NXPH2: variants seen among roughly 807,000 people sequenced by gnomAD.
NXPH2 encodes neurexophilin-2.
NXPH2 carries 5 observed loss-of-function variants against 19.8 expected under a neutral mutation model. The observed-to-expected ratio is 0.25, with a 90% CI of 0.13 to 0.53. The LOEUF is 0.53. Ranked by LOEUF, NXPH2 falls within the 20% of genes least tolerant of loss-of-function variation. The probability of loss-of-function intolerance (pLI) is 0.96; values close to 1 mark genes in which losing one functional copy is unlikely to be tolerated. For missense variants in NXPH2, 289 were observed against 322.8 expected, an observed-to-expected ratio of 0.90 and a Z score of 0.80; for synonymous variants, 154 against 127.4, an observed-to-expected ratio of 1.21 and a Z score of -1.41.
chr2:138,774,410 G>C (rs905845325), intron 1 of NXPH2, among the ~76,000 whole-genome samples: 12 of 152,102 alleles, frequency 7.9e-5, no homozygotes, highest in African/African-American at 2.9e-4. Flanking sequence ...TACATCACTT[G>C]TGATGTGGTT....
At chr2:138,694,044 C>A (rs904790646) in intron 1 of NXPH2, among the ~76,000 whole-genome samples, 11 of 152,108 alleles carry the variant, frequency 7.2e-5, no homozygotes, top group Non-Finnish European at 1.3e-4. Context: ...CAATCAAGAG[C>A]AGCCAACTAA....
intron 1 of NXPH2, among the ~76,000 whole-genome samples, chr2:138,689,294 C>G (rs567292119): frequency 1.3e-5 from 2 of 152,160 alleles, no homozygotes; most frequent in Non-Finnish European, 2.9e-5. Context: ...AGTTTTAGCC[C>G]TTGGAGACTC....
chr2:138,729,302 C>G (rs1017636252), intron 1 of NXPH2, among the ~76,000 whole-genome samples: 1 of 152,158 alleles, frequency 6.6e-6, no homozygotes, highest in Non-Finnish European at 1.5e-5. Context: ...CTCATGAGAT[C>G]TGATGGTTTT....
intron 1 of NXPH2, among the ~76,000 whole-genome samples, chr2:138,683,236 C>T (rs1299875897): frequency 6.6e-6 from 1 of 152,126 alleles, no homozygotes; most frequent in African/African-American, 2.4e-5. Flanking sequence ...TGGCAAGTGG[C>T]ACTGTCTACT....
chr2:138,713,735 G>A (rs747192237), intron 1 of NXPH2, among the ~76,000 whole-genome samples: 11 of 152,184 alleles, frequency 7.2e-5, no homozygotes, highest in Admixed American at 1.3e-4. Flanking sequence ...ACTGCGACAG[G>A]ACAGCAGGGA....
At chr2:138,701,267 A>T (rs1360906587) in intron 1 of NXPH2, among the ~76,000 whole-genome samples, 1 of 152,204 alleles carries the variant, frequency 6.6e-6, no homozygotes, top group Non-Finnish European at 1.5e-5. Context: ...CTGGTGTGGT[A>T]TCAGCCAGCC....
intron 1 of NXPH2, among the ~76,000 whole-genome samples, chr2:138,771,052 A>G (rs1027402604): frequency 1.3e-5 from 2 of 152,278 alleles, no homozygotes. Context: ...TTATATTGGT[A>G]CAATCATTTC....
Position 138,670,791 on chromosome 2 carries a change from G to T in NXPH2, c.*131C>A, listed in dbSNP as rs372835635. ...TGTCTCTTTTTCTTTTTTTAAATTT[G>T]AAAACCTGATAGGGAACTATTGTTC... On this transcript the variant is annotated 3_prime_UTR_variant, in exon 2 of 2. Coordinates refer to ENST00000272641, the MANE Select transcript of NXPH2 (RefSeq NM_007226.3). 39 of 952,160 alleles carry T rather than the reference G, an allele frequency of 4.1e-5. No individual in the cohort carries two copies. In the African/African-American group the frequency reaches 6.5e-4, roughly 16 times the overall value. The allele number at this position is 952,160 out of a possible 1,614,324, so 59.0% of individuals were successfully genotyped here.
intron 1 of NXPH2, 112 bp from the exon 2 acceptor site, chr2:138,671,777 C>A: frequency 8.9e-7 from 1 of 1,121,338 alleles, no homozygotes; most frequent in African/African-American, 1.6e-5. Flanking sequence ...GATTCTTGTT[C>A]GACAGCATTT....
chr2:138,766,594 A>G (rs1036130620), intron 1 of NXPH2, among the ~76,000 whole-genome samples: 1 of 152,194 alleles, frequency 6.6e-6, no homozygotes, highest in African/African-American at 2.4e-5. Context: ...CCTGCCCTAC[A>G]GCATGATCCA....
At chr2:138,744,995 G>A (rs1243509074) in intron 1 of NXPH2, among the ~76,000 whole-genome samples, 1 of 152,172 alleles carries the variant, frequency 6.6e-6, no homozygotes, top group African/African-American at 2.4e-5. Flanking sequence ...AGCTCTCCAT[G>A]TATGGCTGGC....
chr2:138,706,597 T>C (rs1218465750), intron 1 of NXPH2, among the ~76,000 whole-genome samples: 1 of 152,128 alleles, frequency 6.6e-6, no homozygotes. Context: ...TGAATATGAA[T>C]GAGAAAAAAG....
At chr2:138,750,160 T>A (rs941824741) in intron 1 of NXPH2, among the ~76,000 whole-genome samples, 10 of 152,164 alleles carry the variant, frequency 6.6e-5, no homozygotes, top group African/African-American at 2.4e-4. Context: ...TTTTTTTACT[T>A]CCAAAATACA....
chr2:138,714,966 T>C (rs1355260393), intron 1 of NXPH2, among the ~76,000 whole-genome samples: 1 of 152,232 alleles, frequency 6.6e-6, no homozygotes, highest in East Asian at 1.9e-4. Flanking sequence ...CACATTACCG[T>C]AAATTTCCTG....
chr2:138,744,303 T>C (rs1231960503), intron 1 of NXPH2, among the ~76,000 whole-genome samples: 1 of 152,186 alleles, frequency 6.6e-6, no homozygotes, highest in African/African-American at 2.4e-5. Flanking sequence ...AACTGATGAT[T>C]GGCTTCATAA....
intron 1 of NXPH2, among the ~76,000 whole-genome samples, chr2:138,735,020 G>A (rs1681517577): frequency 6.6e-6 from 1 of 152,158 alleles, no homozygotes; most frequent in South Asian, 2.1e-4. Context: ...ACAGGAAGAA[G>A]GTGAAGTCAG....
chr2:138,735,404 A>G (rs1231189446), intron 1 of NXPH2, among the ~76,000 whole-genome samples: 1 of 152,174 alleles, frequency 6.6e-6, no homozygotes, highest in African/African-American at 2.4e-5. Flanking sequence ...CATGGATGGC[A>G]GCAGGCAAAA....
intron 1 of NXPH2, among the ~76,000 whole-genome samples, chr2:138,776,022 AC>A (rs1190882158): frequency 6.6e-6 from 1 of 152,088 alleles, no homozygotes. Context: ...GAATATGTAA[AC>A]GGTAAGAGAC....
intron 1 of NXPH2, among the ~76,000 whole-genome samples, chr2:138,741,981 C>CAA (rs1681650531): frequency 6.6e-6 from 1 of 152,168 alleles, no homozygotes; most frequent in Non-Finnish European, 1.5e-5. Context: ...ATATTGCTCT[C>CAA]TATTTAGTGG....
Sources: gnomAD v4.1 joint callset for allele counts (sites outside exome capture counted in the v4.1 genomes callset) on GRCh38, gnomAD v4.1.1 for gene constraint, MANE v1.5 for transcripts, NCBI Gene and HGNC (gene_info 2026-07-23, HGNC 2026-07-21) for gene names.